Variants in CYFIP1 observed in about 807,000 individuals in gnomAD.
The protein encoded by CYFIP1 is cytoplasmic FMR1-interacting protein 1.
A neutral mutation model predicts 163.5 loss-of-function variants in CYFIP1; 58 were observed. The ratio of observed to expected loss-of-function variants is 0.35; its 90% CI spans 0.29 to 0.44. CYFIP1 has a LOEUF of 0.44. Among genes scored for constraint, CYFIP1 ranks in the 20% least tolerant of loss-of-function variants. The pLI is 1.00. For synonymous variants in CYFIP1, 663 were observed against 660.7 expected (o/e 1.00, Z -0.05); for missense variants, 1,338 against 1,653.8 (o/e 0.81, Z 3.31).
intron 17 of CYFIP1, among the ~76,000 whole-genome samples, chr15:22,913,527 CAAAAAAA>C (rs35228444): frequency 2.3e-3 from 24 of 10,280 alleles, no homozygotes; most frequent in African/African-American, 7.9e-3. Context: ...GGCTCTGTCT[CAAAAAAA>C]AAAAAAAAAA....
rs765738667 is a variant in CYFIP1, at chr15:22,932,331, G to A, written c.1002C>T (p.Cys334=). The change falls in exon 11 of 31, where the codon TGC becomes TGT. Residue 334 remains cysteine (C), a synonymous_variant. Transcript: ENST00000617928. ...ACTGAGGGCTGCTGCCGGAGGATGTGCACGTCCATCTGTGCAGAGAGAAAG... is the reference window on the plus strand; with the variant it reads ...ACTGAGGGCTGCTGCCGGAGGATGTACACGTCCATCTGTGCAGAGAGAAAG... ...HYEENKSRWT[C]TSSGSSPQYN... 1 of 1,605,304 alleles carries A rather than the reference G, an allele frequency of 6.2e-7. No individual in the cohort carries two copies. Among genetic ancestry groups the A allele is most frequent in the Admixed American group, 1.7e-5 (1 of 58,550 alleles).
intron 26 of CYFIP1, among the ~76,000 whole-genome samples, chr15:22,876,668 C>T (rs892639204): frequency 6.6e-6 from 1 of 151,902 alleles, no homozygotes; most frequent in African/African-American, 2.4e-5. Context: ...CCCATCTCTA[C>T]TAAAAACACA....
chr15:22,899,951 G>A (rs1389491750), intron 22 of CYFIP1, among the ~76,000 whole-genome samples: 1 of 152,146 alleles, frequency 6.6e-6, no homozygotes, highest in Non-Finnish European at 1.5e-5. Flanking sequence ...AGGAGGCTGT[G>A]GCAGGAGAAT....
At chr15:22,975,465 A>C (rs1301019209) in intron 1 of CYFIP1, among the ~76,000 whole-genome samples, 1 of 135,130 alleles carries the variant, frequency 7.4e-6, no homozygotes, top group African/African-American at 2.8e-5. Context: ...AAAAAAAAAA[A>C]GGTTAAAGGC....
intron 23 of CYFIP1, among the ~76,000 whole-genome samples, chr15:22,885,281 C>T (rs1006165649): frequency 3.9e-5 from 6 of 152,150 alleles, no homozygotes; most frequent in South Asian, 4.1e-4. Context: ...CAATGTACCA[C>T]GTATCTCTAG....
At chr15:22,896,355 T>A (rs2060235716) in intron 22 of CYFIP1, among the ~76,000 whole-genome samples, 2 of 152,076 alleles carry the variant, frequency 1.3e-5, no homozygotes, top group African/African-American at 4.8e-5. Flanking sequence ...GAGCTTCTTG[T>A]ATCTGTGGGT....
At chr15:22,968,106 A>G (rs1285620432) in intron 1 of CYFIP1, among the ~76,000 whole-genome samples, 1 of 152,178 alleles carries the variant, frequency 6.6e-6, no homozygotes, top group Non-Finnish European at 1.5e-5. Flanking sequence ...ACTGCACTCC[A>G]GCTTGGGCGA....
At chr15:22,933,927 T>C in intron 9 of CYFIP1, 34 bp from the exon 10 acceptor site, 2 of 1,502,924 alleles carry the variant, frequency 1.3e-6, no homozygotes, top group Non-Finnish European at 9.2e-7. Context: ...AGAGTCATTA[T>C]GTATATTTAG....
chr15:22,974,403 C>T (rs1260337194), intron 1 of CYFIP1, among the ~76,000 whole-genome samples: 1 of 152,020 alleles, frequency 6.6e-6, no homozygotes, highest in Admixed American at 6.6e-5. Flanking sequence ...ATAGTGATAC[C>T]CCATCTCCAT....
intron 11 of CYFIP1, 120 bp downstream of exon 11, chr15:22,932,103 G>A (rs2061557206): frequency 8.9e-6 from 6 of 674,010 alleles, no homozygotes; most frequent in Non-Finnish European, 1.5e-5. Context: ...CTGTCATTAT[G>A]TGACATATGA....
chr15:22,918,924 A>G, intron 13 of CYFIP1, 66 bp from the exon 14 acceptor site: 3 of 1,324,258 alleles, frequency 2.3e-6, no homozygotes, highest in Non-Finnish European at 3.1e-6. Context: ...TCTGCCTGGC[A>G]CATGCCGGGG....
chr15:22,943,059 G>T, intron 6 of CYFIP1, 114 bp downstream of exon 6: 1 of 965,626 alleles, frequency 1.0e-6, no homozygotes, highest in Non-Finnish European at 1.5e-6. Context: ...CGTAGCTGCT[G>T]CCTACCAGAA....
chr15:22,917,654 A>T lies in CYFIP1; in HGVS notation c.1674+134T>A. Reference sequence around the variant, plus strand: ...GGGAAACAGAGGAGCAGCAGAAACCACAGGCGCCACTTTCTCTGCCTGAGC... The same window carrying T: ...GGGAAACAGAGGAGCAGCAGAAACCTCAGGCGCCACTTTCTCTGCCTGAGC... On this transcript the variant is annotated intron_variant, in intron 15 of 30. Coordinates refer to ENST00000617928, the MANE Select transcript of CYFIP1 (RefSeq NM_014608.6). This position sits in a 1 kb window ranked among gnomAD's most constrained non-coding sequence, Gnocchi z 4.2. 9.0e-7 allele frequency: 1 copy of T among 1,113,276 alleles called. No individual in the cohort carries two copies. Among genetic ancestry groups the T allele is most frequent in the Non-Finnish European group, 1.2e-6 (1 of 813,480 alleles). The allele number at this position is 1,113,276 out of a possible 1,614,324, so 69.0% of individuals were successfully genotyped here.
chr15:22,910,394 T>A, intron 20 of CYFIP1, 126 bp downstream of exon 20: 1 of 706,704 alleles, frequency 1.4e-6, no homozygotes, highest in Non-Finnish European at 2.4e-6. Flanking sequence ...ACTCCTAACC[T>A]CAGGTGATCC....
chr15:22,881,134 A>G (rs2059749109), intron 25 of CYFIP1, among the ~76,000 whole-genome samples: 1 of 152,074 alleles, frequency 6.6e-6, no homozygotes, highest in African/African-American at 2.4e-5. Flanking sequence ...AAAAAGCAAA[A>G]AGTCCTGAGC....
chr15:22,929,556 C>A (rs538421744), intron 11 of CYFIP1, among the ~76,000 whole-genome samples: 1 of 130,518 alleles, frequency 7.7e-6, no homozygotes, highest in Non-Finnish European at 1.6e-5. Context: ...TGCTTGAATC[C>A]GGGAGGTGGA....
intron 11 of CYFIP1, 146 bp from the exon 12 acceptor site, chr15:22,928,174 G>A (rs891765769): frequency 2.8e-5 from 28 of 995,474 alleles, no homozygotes; most frequent in Middle Eastern, 3.3e-4. Context: ...TCACAAGGTC[G>A]GGAGATCCAG....
intron 26 of CYFIP1, among the ~76,000 whole-genome samples, chr15:22,879,535 C>T (rs182903457): frequency 3.3e-5 from 5 of 152,260 alleles, no homozygotes; most frequent in Admixed American, 3.3e-4. Context: ...GCACTCAGTT[C>T]CTCAGTCACA....
chr15:22,952,711 AT>A (rs1567022961), intron 1 of CYFIP1, among the ~76,000 whole-genome samples: 1 of 126,862 alleles, frequency 7.9e-6, no homozygotes, highest in African/African-American at 2.8e-5. Flanking sequence ...TTATGCATGC[AT>A]ATTTTACTAC....
Sources: gnomAD v4.1 joint callset for allele counts (sites outside exome capture counted in the v4.1 genomes callset) on GRCh38, gnomAD v4.1.1 for gene constraint, Gnocchi (gnomAD v3.1) non-coding constraint, MANE v1.5 for transcripts, NCBI Gene and HGNC (gene_info 2026-07-23, HGNC 2026-07-21) for gene names.